Variants in MEI4 observed in about 807,000 individuals in gnomAD.
MEI4 encodes meiotic double-stranded break formation protein 4.
Under a neutral mutation model 31.4 loss-of-function variants are expected in MEI4, and 27 were observed. That is an observed-to-expected ratio of 0.86 (90% CI 0.63 to 1.19). MEI4 has a LOEUF of 1.19. Ranked by LOEUF, MEI4 falls within the 50% of genes most tolerant of loss-of-function variation. MEI4 has a pLI of 0.00. For synonymous variants in MEI4, 122 were observed against 145.4 expected (o/e 0.84, Z 1.16); for missense variants, 329 against 398.9 (o/e 0.82, Z 1.49).
intron 2 of MEI4, among the ~76,000 whole-genome samples, chr6:77,755,012 T>C (rs184557587): frequency 2.0e-5 from 3 of 152,058 alleles, no homozygotes; most frequent in African/African-American, 4.8e-5. Context: ...AGTTAGGGAA[T>C]GTAGAAATAA....
Position 77,733,605 on chromosome 6 carries a change from G to T in MEI4, c.233-27525G>T, listed in dbSNP as rs193068594. On this transcript the variant is annotated intron_variant, in intron 2 of 4. Transcript: ENST00000684080. Reference sequence around the variant, plus strand: ...TCCTGGATTGATTAATTTTTTGAAGGGTTTTTTGTGCCTCTATTTCCTTCA... The same window carrying T: ...TCCTGGATTGATTAATTTTTTGAAGTGTTTTTTGTGCCTCTATTTCCTTCA... Among the ~76,000 whole-genome samples, 3 of 151,866 alleles carry T rather than the reference G, an allele frequency of 2.0e-5. No homozygotes were observed. In the East Asian group the frequency reaches 5.8e-4, roughly 29 times the overall value.
chr6:77,748,473 G>A (rs1219221281), intron 2 of MEI4, among the ~76,000 whole-genome samples: 1 of 152,184 alleles, frequency 6.6e-6, no homozygotes, highest in Non-Finnish European at 1.5e-5. Flanking sequence ...GGAGCAGCTG[G>A]GATACAGGGC....
intron 4 of MEI4, among the ~76,000 whole-genome samples, chr6:77,832,331 A>T (rs971078301): frequency 2.0e-5 from 3 of 151,962 alleles, no homozygotes; most frequent in African/African-American, 7.2e-5. Context: ...TCACTAATTC[A>T]GAAAATGATT....
intron 2 of MEI4, among the ~76,000 whole-genome samples, chr6:77,740,460 T>C (rs1258060959): frequency 6.6e-6 from 1 of 152,152 alleles, no homozygotes; most frequent in Non-Finnish European, 1.5e-5. Flanking sequence ...TTGTCACCAT[T>C]TCTCAAAAAT....
At chr6:77,688,346 G>A (rs146937308) in intron 1 of MEI4, among the ~76,000 whole-genome samples, 2 of 152,168 alleles carry the variant, frequency 1.3e-5, no homozygotes, top group Non-Finnish European at 2.9e-5. Context: ...TATCCTGCAA[G>A]CCTGTGCTAA....
intron 4 of MEI4, among the ~76,000 whole-genome samples, chr6:77,835,464 G>A (rs1325495745): frequency 1.3e-5 from 2 of 149,436 alleles, no homozygotes; most frequent in Non-Finnish European, 3.0e-5. Flanking sequence ...GGAAAAAATG[G>A]GGAGAAACCT....
chr6:77,817,643 A>G (rs1312806885), intron 3 of MEI4, among the ~76,000 whole-genome samples: 1 of 152,002 alleles, frequency 6.6e-6, no homozygotes, highest in African/African-American at 2.4e-5. Flanking sequence ...TATTTTTACT[A>G]TATATTAAAA....
At chr6:77,664,322 AG>A (rs910582295) in intron 1 of MEI4, among the ~76,000 whole-genome samples, 4 of 152,308 alleles carry the variant, frequency 2.6e-5, no homozygotes, top group African/African-American at 9.6e-5. Context: ...AAAGTGTCTC[AG>A]GGTTGCTGCC....
intron 2 of MEI4, among the ~76,000 whole-genome samples, chr6:77,714,712 C>A (rs1766541617): frequency 6.6e-6 from 1 of 152,160 alleles, no homozygotes; most frequent in Admixed American, 6.5e-5. Context: ...TGCATTACCT[C>A]TGCTCCAGCT....
chr6:77,694,575 C>G (rs1407884419), intron 2 of MEI4, among the ~76,000 whole-genome samples: 1 of 152,084 alleles, frequency 6.6e-6, no homozygotes, highest in African/African-American at 2.4e-5. Flanking sequence ...ATCCATGTCC[C>G]TACAAAGGAC....
At chr6:77,805,868 C>T (rs1418538272) in intron 3 of MEI4, among the ~76,000 whole-genome samples, 1 of 151,404 alleles carries the variant, frequency 6.6e-6, no homozygotes, top group Non-Finnish European at 1.5e-5. Context: ...TTTCTAACAA[C>T]AAAATTTGTT....
intron 1 of MEI4, 102 bp from the exon 2 acceptor site, chr6:77,690,556 A>G: frequency 2.0e-6 from 1 of 496,178 alleles, no homozygotes; most frequent in Non-Finnish European, 3.2e-6. Context: ...CTTATTATAA[A>G]CTTATTAATT....
intron 3 of MEI4, among the ~76,000 whole-genome samples, chr6:77,804,475 C>T (rs184235674): frequency 1.6e-4 from 25 of 152,284 alleles, no homozygotes; most frequent in South Asian, 8.3e-4. Flanking sequence ...ACCCACTTTC[C>T]GACACTCGCC....
At chr6:77,798,496 TTTA>T (rs1403933774) in intron 3 of MEI4, among the ~76,000 whole-genome samples, 8 of 151,864 alleles carry the variant, frequency 5.3e-5, no homozygotes, top group Non-Finnish European at 7.4e-5. Context: ...TATTTTTTCT[TTTA>T]TTATTATTAT....
At chr6:77,877,626 A>C (rs891487196) in intron 4 of MEI4, among the ~76,000 whole-genome samples, 1 of 152,070 alleles carries the variant, frequency 6.6e-6, no homozygotes, top group East Asian at 1.9e-4. Context: ...GCCCTTTACA[A>C]AATGAATACT....
At chr6:77,655,419 TATGAG>T (rs1256148411) in intron 1 of MEI4, among the ~76,000 whole-genome samples, 1 of 152,196 alleles carries the variant, frequency 6.6e-6, no homozygotes, top group Non-Finnish European at 1.5e-5. Flanking sequence ...CTCCAATAAA[TATGAG>T]AAGAACCAAC....
At chr6:77,822,921 G>T (rs1023370945) in intron 3 of MEI4, among the ~76,000 whole-genome samples, 5 of 151,838 alleles carry the variant, frequency 3.3e-5, no homozygotes, top group African/African-American at 1.2e-4. Flanking sequence ...AACATAAGCA[G>T]AAGTAACTAC....
intron 4 of MEI4, among the ~76,000 whole-genome samples, chr6:77,863,927 A>C (rs1453481643): frequency 6.6e-6 from 1 of 152,218 alleles, no homozygotes; most frequent in Non-Finnish European, 1.5e-5. Flanking sequence ...GCCAATATTC[A>C]ACATTCTTAA....
intron 4 of MEI4, among the ~76,000 whole-genome samples, chr6:77,906,283 G>T (rs1006782901): frequency 6.6e-6 from 1 of 152,128 alleles, no homozygotes; most frequent in Non-Finnish European, 1.5e-5. Flanking sequence ...TGCACATTTG[G>T]TGGAGAAGTC....
Sources: gnomAD v4.1 joint callset for allele counts (sites outside exome capture counted in the v4.1 genomes callset) on GRCh38, gnomAD v4.1.1 for gene constraint, MANE v1.5 for transcripts, NCBI Gene and HGNC (gene_info 2026-07-23, HGNC 2026-07-21) for gene names.